Variants in ERI3 observed in about 807,000 individuals in gnomAD.
ERI3 encodes ERI1 exoribonuclease 3.
Under a neutral mutation model 44.4 loss-of-function variants are expected in ERI3, and 18 were observed. The ratio of observed to expected loss-of-function variants is 0.41; its 90% CI spans 0.28 to 0.60. ERI3 has a LOEUF of 0.60. Ranked by LOEUF, ERI3 falls within the 20% of genes least tolerant of loss-of-function variation. ERI3 has a pLI of 0.36. For missense variants in ERI3, 294 were observed against 435.5 expected (o/e 0.68, Z 2.89); for synonymous variants, 183 against 164.8 (o/e 1.11, Z -0.84).
At chr1:44,350,318 G>A (rs1474349208) in intron 2 of ERI3, among the ~76,000 whole-genome samples, 1 of 151,362 alleles carries the variant, frequency 6.6e-6, no homozygotes, top group Non-Finnish European at 1.5e-5. Flanking sequence ...CTGGAGTAAA[G>A]TGGCACAATC....
In ERI3 at chr1:44,252,447, C is replaced by T. The variant is rs1230565073; in HGVS notation, c.832-4409G>A. On this transcript the variant is annotated intron_variant, in intron 7 of 8. Transcript: ENST00000372257. The surrounding 1 kb of genome is among the most constrained non-coding windows in gnomAD (Gnocchi z 4.7). ...GCCCTGCTGTAGGTGCGGCGGGTGG[C>T]CCCCTGTGTAACAGGGAGCTTTGCC... Among the ~76,000 whole-genome samples, 1 of 152,148 alleles carries T rather than the reference C, an allele frequency of 6.6e-6. No homozygotes were observed. Among genetic ancestry groups the T allele is most frequent in the South Asian group, 2.1e-4 (1 of 4,832 alleles).
intron 1 of ERI3, 38 bp from the exon 2 acceptor site, chr1:44,352,963 C>A (rs80152700): frequency 5.6e-6 from 9 of 1,612,620 alleles, no homozygotes; most frequent in Non-Finnish European, 7.6e-6. Flanking sequence ...AAGTCTATTT[C>A]AATACCAAGG....
intron 8 of ERI3, among the ~76,000 whole-genome samples, chr1:44,242,980 G>A (rs953193921): frequency 7.2e-5 from 11 of 152,218 alleles, no homozygotes; most frequent in African/African-American, 2.4e-4. Flanking sequence ...TGGTACAAGC[G>A]TCTCCCTGAG....
intron 2 of ERI3, among the ~76,000 whole-genome samples, chr1:44,342,237 G>A (rs962076490): frequency 7.2e-5 from 11 of 152,150 alleles, no homozygotes; most frequent in Non-Finnish European, 1.2e-4. Flanking sequence ...TGTCAGAGCC[G>A]AGGGGGATGT....
chr1:44,353,929 C>T, intron 1 of ERI3: 2 of 985,340 alleles, frequency 2.0e-6, no homozygotes, highest in Non-Finnish European at 2.4e-6. Flanking sequence ...GGTTTCTAAC[C>T]AGGATCACAG....
intron 8 of ERI3, among the ~76,000 whole-genome samples, chr1:44,224,122 G>A (rs1643973890): frequency 6.6e-6 from 1 of 152,066 alleles, no homozygotes; most frequent in Admixed American, 6.6e-5. Flanking sequence ...ATGAACTTAC[G>A]CAGATTTTCT....
intron 2 of ERI3, among the ~76,000 whole-genome samples, chr1:44,341,069 T>TG (rs1326050986): frequency 6.6e-6 from 1 of 152,250 alleles, no homozygotes; most frequent in African/African-American, 2.4e-5. Context: ...AAAGTCCTAA[T>TG]GTTCTACAGT....
At chr1:44,335,776 CAAAAAAAA>C (rs58557158) in intron 3 of ERI3, among the ~76,000 whole-genome samples, 1 of 72,806 alleles carries the variant, frequency 1.4e-5, no homozygotes, top group Admixed American at 1.5e-4. Flanking sequence ...AACTCCATCT[CAAAAAAAA>C]AAAAAAAAAA....
chr1:44,326,152 C>CA (rs939889307), intron 3 of ERI3, among the ~76,000 whole-genome samples: 5 of 152,136 alleles, frequency 3.3e-5, no homozygotes, highest in African/African-American at 1.2e-4. Flanking sequence ...AAGAAAATTC[C>CA]AAAAAGTGTG....
intron 3 of ERI3, among the ~76,000 whole-genome samples, chr1:44,331,799 A>C (rs1254345125): frequency 6.6e-6 from 1 of 152,154 alleles, no homozygotes; most frequent in African/African-American, 2.4e-5. Context: ...CTGCTATAAC[A>C]GTTCTGAATG....
At chr1:44,237,820 G>A (rs1644339115) in intron 8 of ERI3, among the ~76,000 whole-genome samples, 1 of 152,198 alleles carries the variant, frequency 6.6e-6, no homozygotes, top group East Asian at 1.9e-4. Context: ...TGGAGCAGAG[G>A]CATCCATCAG....
At position 44,345,200 on chromosome 1, in the gene ERI3, C is replaced by T. The variant is rs1031164129; in HGVS notation, c.212-5878G>A. ...TCTTGGGTAAATAGACATTTTATAG[C>T]CTCCATTACTGGAGGGGTGAGCAGA... On this transcript the variant is annotated intron_variant, in intron 2 of 8. Coordinates refer to ENST00000372257, the MANE Select transcript of ERI3 (RefSeq NM_024066.3). Among the ~76,000 whole-genome samples, 4 of 152,286 alleles carry T rather than the reference C, an allele frequency of 2.6e-5. No homozygotes were observed. The South Asian group carries it at 8.3e-4, about 32-fold the overall frequency.
chr1:44,268,337 T>C (rs1017973232), intron 7 of ERI3, among the ~76,000 whole-genome samples: 5 of 152,144 alleles, frequency 3.3e-5, no homozygotes, highest in Admixed American at 2.0e-4. Flanking sequence ...TCTTGCTACC[T>C]GAGACCTAGG....
chr1:44,224,797 T>G (rs113094262), intron 8 of ERI3, among the ~76,000 whole-genome samples: 111 of 152,242 alleles, frequency 7.3e-4, no homozygotes, highest in African/African-American at 2.6e-3. Context: ...GTCTAACTTG[T>G]TGCAACTGGC....
intron 7 of ERI3, among the ~76,000 whole-genome samples, chr1:44,263,932 G>T (rs1572143405): frequency 6.6e-6 from 1 of 152,206 alleles, no homozygotes; most frequent in African/African-American, 2.4e-5. Context: ...CATGTCTGGG[G>T]ATCAGGTAGG....
chr1:44,322,867 A>C (rs1312419101), intron 3 of ERI3: 4 of 1,545,612 alleles, frequency 2.6e-6, no homozygotes, highest in Non-Finnish European at 3.5e-6. Flanking sequence ...CATGACAAAC[A>C]TTTTGAAGAT....
intron 6 of ERI3, among the ~76,000 whole-genome samples, chr1:44,299,214 ACT>A (rs1645673762): frequency 6.6e-6 from 1 of 151,498 alleles, no homozygotes; most frequent in South Asian, 2.1e-4. Flanking sequence ...ACAGGATCTT[ACT>A]CTGTTGTCCA....
intron 7 of ERI3, among the ~76,000 whole-genome samples, chr1:44,249,536 G>C (rs565100430): frequency 6.6e-6 from 1 of 152,306 alleles, no homozygotes; most frequent in South Asian, 2.1e-4. Flanking sequence ...AGGAGAAAGT[G>C]TACTTAAACC....
chr1:44,221,603 G>T lies in ERI3; in HGVS notation c.969C>A (p.Leu323=), dbSNP rs778333109. Residue 323 remains leucine, a synonymous_variant, in exon 9 of 9, where the codon CTC becomes CTA. Coordinates refer to ENST00000372257, the MANE Select transcript of ERI3 (RefSeq NM_024066.3). This position sits in a 1 kb window ranked among gnomAD's most constrained non-coding sequence, Gnocchi z 5.9. The part of the protein sequence containing the change: ...CKNIANIMKT[L]AYRGFIFKQT... ...GCTTGAAGATGAAGCCTCGATAGGC[G>T]AGTGTCTTCATGATGTTGGCAATGT... 2 of 1,614,156 alleles carry T rather than the reference G, an allele frequency of 1.2e-6. No individual in the cohort carries two copies. Among genetic ancestry groups the T allele is most frequent in the Admixed American group, 3.3e-5 (2 of 60,032 alleles).
Sources: gnomAD v4.1 joint callset for allele counts (sites outside exome capture counted in the v4.1 genomes callset) on GRCh38, gnomAD v4.1.1 for gene constraint, Gnocchi (gnomAD v3.1) non-coding constraint, MANE v1.5 for transcripts, NCBI Gene and HGNC (gene_info 2026-07-23, HGNC 2026-07-21) for gene names.